The following ROS1 variants were observed in gnomAD, a reference collection of about 807,000 sequenced individuals.
The protein encoded by ROS1 is ROS proto-oncogene 1, receptor tyrosine kinase.
In ROS1, 263 loss-of-function variants were observed where a neutral mutation model predicts 273.5. The observed-to-expected ratio is 0.96, with a 90% CI of 0.87 to 1.06. ROS1 has a LOEUF of 1.06. Ranked by LOEUF, ROS1 falls within the 50% of genes least tolerant of loss-of-function variation. The pLI is 0.00. For synonymous variants in ROS1, 1,008 were observed against 954.1 expected, an observed-to-expected ratio of 1.06 and a Z score of -1.04; for missense variants, 2,833 against 2,751.1, an observed-to-expected ratio of 1.03 and a Z score of -0.67.
chr6:117,344,218 T>C lies in ROS1; in HGVS notation c.4348A>G (p.Ile1450Val). 6.2e-7 allele frequency: 1 copy of C among 1,614,070 alleles called. No homozygotes were observed. The highest frequency in any genetic ancestry group is 8.5e-7 in the Non-Finnish European group (1 of 1,179,972). The change falls in exon 28 of 44, where the codon ATA becomes GTA. Residue 1450 changes from isoleucine (I) to valine (V), a missense_variant. Physicochemically the swap from Ile to Val is conservative, Grantham distance 29. Coordinates refer to ENST00000368507, the MANE Select transcript of ROS1 (RefSeq NM_001378902.1). ...SLASDTVEPT[I>V]LNATNTSLTI... Reference sequence around the variant, plus strand: ...AGGCTAGTGTTAGTGGCATTAAGTATAGTTGGTTCCACAGTGTCTGAAGCT... The same window carrying C: ...AGGCTAGTGTTAGTGGCATTAAGTACAGTTGGTTCCACAGTGTCTGAAGCT...
At position 117,306,272 on chromosome 6, in the gene ROS1, T is replaced by C. The variant is rs573467573; in HGVS notation, c.6551+2522A>G. Among the ~76,000 whole-genome samples the C allele has an allele frequency of 3.2e-4, 49 of 152,274 alleles. No homozygotes were observed. The South Asian group carries it at 8.3e-3, about 26-fold the overall frequency. On this transcript the variant is annotated intron_variant, in intron 42 of 43. Coordinates refer to ENST00000368507, the MANE Select transcript of ROS1 (RefSeq NM_001378902.1). ...TAATCCTGGAGAGATCCGATTAGTA[T>C]CTAGGTGTACATATTTTTTTAAGAT...
intron 3 of ROS1, among the ~76,000 whole-genome samples, chr6:117,415,235 T>G (rs1285738550): frequency 2.6e-5 from 4 of 152,338 alleles, no homozygotes; most frequent in East Asian, 3.9e-4. Flanking sequence ...GTAACTTCCA[T>G]TCTGTGAGGC....
intron 1 of ROS1, among the ~76,000 whole-genome samples, chr6:117,421,689 TG>T (rs1289170351): frequency 9.9e-5 from 15 of 152,244 alleles, no homozygotes; most frequent in Non-Finnish European, 1.9e-4. Context: ...ACTTCTTTTT[TG>T]AAGTGGCTGT....
rs1203594081 is a variant in ROS1 at position 117,317,415 on chromosome 6, T to G, written c.5988-143A>C. ...TGTCTCTAACACTTCGTTTTCCAAC[T>G]CCTGGTCTTTGTGCTTACCTTAAAG... On this transcript the variant is annotated intron_variant, in intron 38 of 43. Coordinates refer to ENST00000368507, the MANE Select transcript of ROS1 (RefSeq NM_001378902.1). The G allele has an allele frequency of 8.6e-6, 8 of 925,370 alleles. No individual in the cohort carries two copies. The East Asian group carries it at 1.8e-4, about 21-fold the overall frequency. The allele number at this position is 925,370 out of a possible 1,614,324, so 57.3% of individuals were successfully genotyped here. A position where few individuals can be genotyped will look rare whatever the true frequency, so the allele number is the denominator to read the frequency against.
At chr6:117,362,481 G>T in intron 22 of ROS1, 122 bp downstream of exon 22, 1 of 821,646 alleles carries the variant, frequency 1.2e-6, no homozygotes, top group Non-Finnish European at 1.8e-6. Context: ...AAACTATAGT[G>T]GCCAATCAAA....
At position 117,287,785 on chromosome 6, in the gene ROS1, T is replaced by C. The variant is rs1773541596; in HGVS notation, c.*707A>G. The stretch of plus-strand genomic sequence containing the variant: ...AAATACAAAAATTAGCCGGGCGTGG[T>C]GGCACACGCCTGTAATCCCAGCTAC... On this transcript the variant is annotated 3_prime_UTR_variant, in exon 44 of 44. Transcript: ENST00000368507. 6.6e-6 allele frequency among the ~76,000 whole-genome samples: 1 copy of C among 151,950 alleles called. No homozygotes were observed. The highest frequency in any genetic ancestry group is 2.1e-4 in the South Asian group (1 of 4,814).
intron 15 of ROS1, 146 bp from the exon 16 acceptor site, chr6:117,386,007 T>A: frequency 3.0e-6 from 2 of 673,648 alleles, no homozygotes; most frequent in Non-Finnish European, 5.0e-6. Flanking sequence ...CAAGAATATT[T>A]AAATAATGTT....
At position 117,327,132 on chromosome 6, in the gene ROS1, A is replaced by T. The variant is rs578109800; in HGVS notation, c.5349-718T>A. ...CGCAATAGTTTTAGGACTTGGTGCC[A>T]ATCCACGGTAAGCTTAGGGATATGT... On this transcript the variant is annotated intron_variant, in intron 33 of 43. Transcript: ENST00000368507. 2.6e-5 allele frequency among the ~76,000 whole-genome samples: 4 copies of T among 152,332 alleles called. No homozygotes were observed. The East Asian group carries it at 7.7e-4, about 29-fold the overall frequency.
At chr6:117,313,994 A>T (rs76335105) in intron 39 of ROS1, among the ~76,000 whole-genome samples, 1 of 152,100 alleles carries the variant, frequency 6.6e-6, no homozygotes, top group Non-Finnish European at 1.5e-5. Flanking sequence ...TGCATGTGAG[A>T]ACCAATCTTT....
chr6:117,311,303 C>A, intron 39 of ROS1, among the ~76,000 whole-genome samples, 186 bp from the exon 40 acceptor site: 1 of 151,688 alleles, frequency 6.6e-6, no homozygotes, highest in South Asian at 2.1e-4. Flanking sequence ...ATGTTTCCTA[C>A]GCAAATATAC....
At chr6:117,349,966 A>C (rs1051022494) in intron 27 of ROS1, among the ~76,000 whole-genome samples, 1 of 152,030 alleles carries the variant, frequency 6.6e-6, no homozygotes, top group African/African-American at 2.4e-5. Context: ...ATACATACAT[A>C]AGTGGATATA....
chr6:117,416,755 G>A (rs192874356), intron 2 of ROS1, among the ~76,000 whole-genome samples: 2 of 152,186 alleles, frequency 1.3e-5, no homozygotes, highest in African/African-American at 4.8e-5. Context: ...ACCTAAATAG[G>A]TAGACAGTTT....
chr6:117,355,452 T>G (rs1034628527), intron 26 of ROS1, among the ~76,000 whole-genome samples: 1 of 152,132 alleles, frequency 6.6e-6, no homozygotes, highest in Non-Finnish European at 1.5e-5. Flanking sequence ...ATTTCAAAAC[T>G]TTACTGTATA....
intron 35 of ROS1, among the ~76,000 whole-genome samples, chr6:117,323,463 T>G (rs1776423886): frequency 6.6e-6 from 1 of 152,156 alleles, no homozygotes; most frequent in South Asian, 2.1e-4. Context: ...TTGAGTGTTC[T>G]TTTCTGGTAA....
chr6:117,336,526 G>A (rs1231075910), intron 32 of ROS1, among the ~76,000 whole-genome samples: 1 of 152,166 alleles, frequency 6.6e-6, no homozygotes, highest in East Asian at 1.9e-4. Flanking sequence ...TGGCTGCATA[G>A]TATGCCATGG....
intron 37 of ROS1, 21 bp from the exon 38 acceptor site, chr6:117,318,273 T>G: frequency 1.3e-6 from 2 of 1,588,772 alleles, no homozygotes; most frequent in Non-Finnish European, 1.7e-6. Context: ...TAAAAACAAG[T>G]CAGGAATCAG....
chr6:117,372,970 C>T lies in ROS1; in HGVS notation c.2582+6089G>A, dbSNP rs75520690. The stretch of plus-strand genomic sequence containing the variant: ...CCATTTTACAGAGAGCTGATTGGTC[C>T]GTTTTGATAGGGTGCTGCTTGGTGC... On this transcript the variant is annotated intron_variant, in intron 18 of 43. Transcript: ENST00000368507. 7.9e-5 allele frequency among the ~76,000 whole-genome samples: 12 copies of T among 152,238 alleles called. No individual in the cohort carries two copies. The South Asian group carries it at 2.1e-3, about 26-fold the overall frequency.
intron 42 of ROS1, among the ~76,000 whole-genome samples, chr6:117,308,563 T>G (rs558793648): frequency 6.6e-6 from 1 of 152,206 alleles, no homozygotes; most frequent in South Asian, 2.1e-4. Flanking sequence ...CCAGAAGTAT[T>G]TTACTCTCCA....
intron 4 of ROS1, among the ~76,000 whole-genome samples, chr6:117,411,632 C>T (rs1226633460): frequency 6.6e-6 from 1 of 152,170 alleles, no homozygotes; most frequent in African/African-American, 2.4e-5. Flanking sequence ...GACTGGCACA[C>T]AGGCTGCCAG....
Sources: gnomAD v4.1 joint callset for allele counts (sites outside exome capture counted in the v4.1 genomes callset) on GRCh38, gnomAD v4.1.1 for gene constraint, MANE v1.5 for transcripts, NCBI Gene and HGNC (gene_info 2026-07-23, HGNC 2026-07-21) for gene names.